Variants in PCDH15 observed in about 807,000 individuals in gnomAD.
PCDH15 encodes the protein protocadherin related 15.
In PCDH15, 129 loss-of-function variants were observed where a neutral mutation model predicts 178.5. The observed-to-expected ratio is 0.72, with a 90% confidence interval of 0.63 to 0.84. The LOEUF (loss-of-function observed/expected upper bound fraction) is 0.84. Ranked by LOEUF, PCDH15 falls within the 40% of genes least tolerant of loss-of-function variation. PCDH15 has a pLI of 0.00. For missense variants in PCDH15, 2,230 were observed against 2,099.9 expected, an observed-to-expected ratio of 1.06 and a Z score of -1.21; for synonymous variants, 800 against 732.0, an observed-to-expected ratio of 1.09 and a Z score of -1.50.
chr10:55,493,514 C>G (rs2132130638), intron 2 of PCDH15, among the ~76,000 whole-genome samples: 1 of 150,880 alleles, frequency 6.6e-6, no homozygotes, highest in South Asian at 2.1e-4. Context: ...TGAACTCCAG[C>G]CTGGGTGAAA....
intron 7 of PCDH15, among the ~76,000 whole-genome samples, chr10:54,322,666 ACC>A (rs2061686093): frequency 6.6e-6 from 1 of 151,988 alleles, no homozygotes; most frequent in Admixed American, 6.6e-5. Flanking sequence ...AAAGCACTGG[ACC>A]AGATAGACAC....
chr10:54,319,512 G>A (rs971593605), intron 7 of PCDH15, among the ~76,000 whole-genome samples: 1 of 152,082 alleles, frequency 6.6e-6, no homozygotes, highest in African/African-American at 2.4e-5. Flanking sequence ...AAGGAGCTGG[G>A]GAGGGGATAT....
At chr10:54,462,812 G>C (rs2077280227) in intron 3 of PCDH15, among the ~76,000 whole-genome samples, 1 of 148,260 alleles carries the variant, frequency 6.7e-6, no homozygotes, top group East Asian at 2.0e-4. Flanking sequence ...TTACAGGTGT[G>C]AGCCACCTCG....
chr10:55,019,165 T>C (rs1159740091), intron 2 of PCDH15, among the ~76,000 whole-genome samples: 2 of 152,166 alleles, frequency 1.3e-5, no homozygotes, highest in African/African-American at 4.8e-5. Context: ...GATGACCTAA[T>C]AGTCAATTCC....
At chr10:55,245,328 A>G (rs2132217041) in intron 1 of PCDH15, among the ~76,000 whole-genome samples, 1 of 152,294 alleles carries the variant, frequency 6.6e-6, no homozygotes, top group East Asian at 1.9e-4. Flanking sequence ...AAAGTGGTAG[A>G]GATGGAAAAT....
intron 2 of PCDH15, among the ~76,000 whole-genome samples, chr10:55,579,216 C>A (rs1842557661): frequency 6.6e-6 from 1 of 152,092 alleles, no homozygotes; most frequent in Non-Finnish European, 1.5e-5. Context: ...GTATTACTAT[C>A]ACAAATCTCC....
chr10:55,093,259 C>G (rs375387547), intron 2 of PCDH15, among the ~76,000 whole-genome samples: 37 of 151,984 alleles, frequency 2.4e-4, no homozygotes, highest in African/African-American at 8.9e-4. Flanking sequence ...TGTGATGAAC[C>G]TAGCTACTAC....
intron 2 of PCDH15, among the ~76,000 whole-genome samples, chr10:55,470,367 C>T (rs577661924): frequency 6.6e-6 from 1 of 151,750 alleles, no homozygotes; most frequent in African/African-American, 2.4e-5. Flanking sequence ...AAAAAAAGGT[C>T]AAGTATTTGT....
chr10:53,939,056 A>G (rs2085826624), intron 24 of PCDH15, 101 bp from the exon 25 acceptor site: 2 of 1,173,906 alleles, frequency 1.7e-6, no homozygotes, highest in Non-Finnish European at 2.5e-6. Flanking sequence ...AAAAATGCCT[A>G]TTTATAACTA....
rs185509219 is a variant in PCDH15, at chr10:54,068,208, T to C, written c.2092-1323A>G. Among the ~76,000 whole-genome samples the C allele has an allele frequency of 1.1e-4, 16 of 152,242 alleles. No homozygotes were observed. The East Asian group carries it at 2.9e-3, about 28-fold the overall frequency. ...TAGTAATGTAACTTTATCCCAAGCC[T>C]CTATAAATTTTTTCATGCACAGTGT... On this transcript the variant is annotated intron_variant, in intron 17 of 37. Transcript: ENST00000644397.
intron 2 of PCDH15, among the ~76,000 whole-genome samples, chr10:54,989,798 A>G (rs1304224866): frequency 6.6e-6 from 1 of 152,134 alleles, no homozygotes; most frequent in African/African-American, 2.4e-5. Context: ...GGGAGGGGCC[A>G]GGGGAGGAAT....
chr10:53,945,614 A>G (rs984354250), intron 23 of PCDH15, among the ~76,000 whole-genome samples: 4 of 151,818 alleles, frequency 2.6e-5, no homozygotes, highest in African/African-American at 9.7e-5. Context: ...TACTTTCATG[A>G]GTTCAGCTGT....
intron 2 of PCDH15, among the ~76,000 whole-genome samples, chr10:54,968,309 G>A (rs1838845472): frequency 6.6e-6 from 1 of 152,072 alleles, no homozygotes; most frequent in South Asian, 2.1e-4. Flanking sequence ...TTTCCCTGCA[G>A]TTCTAACAGA....
At chr10:54,325,495 T>A (rs1937766627) in intron 7 of PCDH15, among the ~76,000 whole-genome samples, 1 of 152,032 alleles carries the variant, frequency 6.6e-6, no homozygotes. Flanking sequence ...ATGCGTGTAA[T>A]CCCAACACTT....
intron 9 of PCDH15, among the ~76,000 whole-genome samples, chr10:54,228,483 G>A (rs1001378607): frequency 1.3e-5 from 2 of 152,094 alleles, no homozygotes; most frequent in African/African-American, 2.4e-5. Flanking sequence ...GATTTGGGTG[G>A]TGACACAGCC....
chr10:55,436,799 A>T (rs1299427078), intron 2 of PCDH15, among the ~76,000 whole-genome samples: 4 of 152,218 alleles, frequency 2.6e-5, no homozygotes, highest in Non-Finnish European at 5.9e-5. Flanking sequence ...TGTAATTGGT[A>T]ACTATGAAGA....
At chr10:55,072,430 C>A (rs1364245449) in intron 2 of PCDH15, among the ~76,000 whole-genome samples, 2 of 152,114 alleles carry the variant, frequency 1.3e-5, no homozygotes, top group Non-Finnish European at 2.9e-5. Context: ...CCACCGATCC[C>A]ATAGAAATAC....
intron 2 of PCDH15, among the ~76,000 whole-genome samples, chr10:55,003,294 T>C (rs1173191209): frequency 6.6e-6 from 1 of 152,162 alleles, no homozygotes; most frequent in Non-Finnish European, 1.5e-5. Flanking sequence ...CTGTTAATGT[T>C]TGAGATTATG....
intron 1 of PCDH15, among the ~76,000 whole-genome samples, chr10:54,791,295 G>A (rs1951385952): frequency 6.6e-6 from 1 of 151,858 alleles, no homozygotes. Flanking sequence ...CAACAGGTAT[G>A]GGGCATCTCA....
Sources: allele counts gnomAD v4.1 joint callset (sites outside exome capture counted in the v4.1 genomes callset), GRCh38; gene constraint gnomAD v4.1.1; transcripts MANE v1.5; gene names NCBI Gene and HGNC (gene_info 2026-07-23, HGNC 2026-07-21).